The following CDH12 variants were observed in gnomAD, a reference collection of about 807,000 sequenced individuals.
CDH12 encodes cadherin-12.
CDH12 carries 41 observed loss-of-function variants against 74.1 expected under a neutral mutation model. The observed-to-expected ratio is 0.55, with a 90% CI of 0.43 to 0.72. The LOEUF is 0.72. CDH12 is among the 30% of genes least tolerant of loss of function. The probability of loss-of-function intolerance (pLI) is 0.00; values close to 1 mark genes in which losing one functional copy is unlikely to be tolerated. For synonymous variants in CDH12, 399 were observed against 355.0 expected (o/e 1.12, Z -1.39); for missense variants, 945 against 977.2 (o/e 0.97, Z 0.44).
intron 1 of CDH12, among the ~76,000 whole-genome samples, chr5:22,722,452 C>G (rs769199181): frequency 6.6e-6 from 1 of 152,154 alleles, no homozygotes; most frequent in Non-Finnish European, 1.5e-5. Flanking sequence ...TTAAGTTATA[C>G]AGTTAAAATT....
At chr5:22,753,635 T>C (rs1442230832) in intron 1 of CDH12, among the ~76,000 whole-genome samples, 2 of 149,974 alleles carry the variant, frequency 1.3e-5, no homozygotes, top group Admixed American at 6.7e-5. Flanking sequence ...GAATTTAAAC[T>C]CTCAGTTGGA....
intron 3 of CDH12, among the ~76,000 whole-genome samples, chr5:22,403,504 T>C (rs2126453836): frequency 6.6e-6 from 1 of 152,310 alleles, no homozygotes; most frequent in Non-Finnish European, 1.5e-5. Flanking sequence ...CCTATCAATG[T>C]TCTCCAGATA....
At chr5:21,797,375 T>C (rs1746846736) in intron 10 of CDH12, among the ~76,000 whole-genome samples, 1 of 152,118 alleles carries the variant, frequency 6.6e-6, no homozygotes, top group Non-Finnish European at 1.5e-5. Context: ...CACAAGGTGT[T>C]TTCACTCTCA....
chr5:21,928,203 G>A (rs1222152101), intron 6 of CDH12, among the ~76,000 whole-genome samples: 1 of 151,976 alleles, frequency 6.6e-6, no homozygotes, highest in Non-Finnish European at 1.5e-5. Flanking sequence ...CACAACATAG[G>A]TTGTTCTGGA....
rs368820681 is a variant in CDH12 at position 21,954,782 on chromosome 5, T to C, written c.526+20309A>G. Among the ~76,000 whole-genome samples the C allele has an allele frequency of 2.5e-4, 38 of 152,236 alleles. No individual in the cohort carries two copies. In the South Asian group the frequency reaches 5.2e-3, roughly 21 times the overall value. On this transcript the variant is annotated intron_variant, in intron 6 of 14. Transcript: ENST00000382254. Reference sequence around the variant, plus strand: ...CTCTGAAAAAGAGAGAGATTAGTTATTAATTGAATTGAGGGTTGTCTTGTC... The same window carrying C: ...CTCTGAAAAAGAGAGAGATTAGTTACTAATTGAATTGAGGGTTGTCTTGTC...
intron 3 of CDH12, among the ~76,000 whole-genome samples, chr5:22,326,456 T>C (rs955824320): frequency 4.6e-5 from 7 of 152,088 alleles, no homozygotes; most frequent in Non-Finnish European, 8.8e-5. Context: ...GGGATGGTCT[T>C]GATCTCCTGA....
intron 2 of CDH12, among the ~76,000 whole-genome samples, chr5:22,455,749 A>C (rs1007595104): frequency 3.9e-5 from 6 of 152,210 alleles, no homozygotes; most frequent in African/African-American, 1.4e-4. Context: ...AACTGAGGCC[A>C]ACATTTCATT....
At chr5:22,183,872 T>TC (rs1561198012) in intron 4 of CDH12, among the ~76,000 whole-genome samples, 1 of 151,884 alleles carries the variant, frequency 6.6e-6, no homozygotes, top group Non-Finnish European at 1.5e-5. Flanking sequence ...GTCAGAAATA[T>TC]CCCCCCAAAG....
At chr5:22,444,003 G>A (rs1380525388) in intron 2 of CDH12, among the ~76,000 whole-genome samples, 1 of 152,014 alleles carries the variant, frequency 6.6e-6, no homozygotes, top group African/African-American at 2.4e-5. Flanking sequence ...AAATGTAGAA[G>A]AGCAACAATA....
At chr5:21,906,417 T>C (rs1753644383) in intron 6 of CDH12, among the ~76,000 whole-genome samples, 1 of 152,162 alleles carries the variant, frequency 6.6e-6, no homozygotes, top group Non-Finnish European at 1.5e-5. Context: ...GTATAGCAAA[T>C]AGGTACTGAA....
chr5:22,708,651 G>A (rs558173713), intron 1 of CDH12, among the ~76,000 whole-genome samples: 2 of 151,984 alleles, frequency 1.3e-5, no homozygotes, highest in East Asian at 1.9e-4. Context: ...GTGGGTGTGC[G>A]GCTGGAGTTA....
At chr5:22,587,610 T>C (rs1042621045) in intron 1 of CDH12, among the ~76,000 whole-genome samples, 2 of 152,160 alleles carry the variant, frequency 1.3e-5, no homozygotes, top group Non-Finnish European at 2.9e-5. Flanking sequence ...CCAGCTCCCT[T>C]ACTGCAAGTC....
chr5:21,813,616 G>A (rs530256753), intron 9 of CDH12, among the ~76,000 whole-genome samples: 7 of 152,256 alleles, frequency 4.6e-5, no homozygotes, highest in East Asian at 1.9e-4. Context: ...TGGCGAGCCC[G>A]TCATCTCTGG....
chr5:22,497,638 CTTTTTTTTTTT>C (rs747466944), intron 2 of CDH12, among the ~76,000 whole-genome samples: 5 of 83,232 alleles, frequency 6.0e-5, no homozygotes, highest in Non-Finnish European at 8.5e-5. Context: ...TGTCGAATCT[CTTTTTTTTTTT>C]TTTTTTTTTT....
intron 9 of CDH12, among the ~76,000 whole-genome samples, chr5:21,815,266 G>A (rs969471724): frequency 2.0e-5 from 3 of 152,108 alleles, no homozygotes; most frequent in South Asian, 4.1e-4. Context: ...GAGTAAATGA[G>A]TATTGTATAC....
intron 5 of CDH12, among the ~76,000 whole-genome samples, chr5:22,035,962 A>G (rs1419935093): frequency 6.6e-6 from 1 of 152,088 alleles, no homozygotes; most frequent in East Asian, 1.9e-4. Context: ...ATTGATTCTG[A>G]TTATCTCCCA....
At chr5:22,592,983 T>A (rs568669656) in intron 1 of CDH12, among the ~76,000 whole-genome samples, 84 of 140,492 alleles carry the variant, frequency 6.0e-4, no homozygotes, top group African/African-American at 2.2e-3. Flanking sequence ...TGAGCCGAGA[T>A]CTCACGACTG....
chr5:22,388,186 A>G (rs937456985), intron 3 of CDH12, among the ~76,000 whole-genome samples: 12 of 152,104 alleles, frequency 7.9e-5, no homozygotes, highest in Non-Finnish European at 1.5e-4. Context: ...GGATTGGTGG[A>G]TGGGATATAG....
intron 1 of CDH12, among the ~76,000 whole-genome samples, chr5:22,647,904 C>A (rs948987885): frequency 6.6e-6 from 1 of 151,656 alleles, no homozygotes; most frequent in Non-Finnish European, 1.5e-5. Context: ...TAAATGTTTC[C>A]TTTCTTCCAA....
Sources: allele counts gnomAD v4.1 joint callset (sites outside exome capture counted in the v4.1 genomes callset), GRCh38; gene constraint gnomAD v4.1.1; transcripts MANE v1.5; gene names NCBI Gene and HGNC (gene_info 2026-07-23, HGNC 2026-07-21).